COL11A1: variants seen among roughly 807,000 people sequenced by gnomAD.
COL11A1 encodes the protein collagen alpha-1(XI) chain.
In COL11A1, 74 loss-of-function variants were observed where a neutral mutation model predicts 265.2. The ratio of observed to expected loss-of-function variants is 0.28; its 90% CI spans 0.23 to 0.34. The LOEUF is 0.34. Among genes scored for constraint, COL11A1 ranks in the 10% least tolerant of loss-of-function variants. The pLI is 1.00. For synonymous variants in COL11A1, 816 were observed against 727.6 expected (o/e 1.12, Z -1.96); for missense variants, 2,165 against 2,263.6 (o/e 0.96, Z 0.88).
chr1:103,079,262 T>C (rs965907041), intron 2 of COL11A1, among the ~76,000 whole-genome samples: 2 of 150,642 alleles, frequency 1.3e-5, no homozygotes, highest in African/African-American at 4.9e-5. Context: ...ATGCCCACTT[T>C]AAAGAGGCAT....
At chr1:102,984,990 C>T (rs1663396852) in intron 30 of COL11A1, among the ~76,000 whole-genome samples, 1 of 151,782 alleles carries the variant, frequency 6.6e-6, no homozygotes, top group East Asian at 1.9e-4. Context: ...ATTTACTTCC[C>T]TATGATTTCT....
chr1:102,897,082 T>G (rs1676495), intron 57 of COL11A1, among the ~76,000 whole-genome samples: 13,336 of 152,054 alleles, frequency 0.088, 701 homozygotes, highest in Middle Eastern at 0.16. Context: ...ATAAGTGATC[T>G]TTAAATTCTT....
intron 1 of COL11A1, among the ~76,000 whole-genome samples, chr1:103,102,957 G>A (rs1674401734): frequency 6.6e-6 from 1 of 151,860 alleles, no homozygotes; most frequent in Non-Finnish European, 1.5e-5. Context: ...TTTCACATGT[G>A]GTAATTAAAT....
At chr1:102,903,629 C>T (rs527769809) in intron 54 of COL11A1, among the ~76,000 whole-genome samples, 1 of 152,264 alleles carries the variant, frequency 6.6e-6, no homozygotes, top group South Asian at 2.1e-4. Context: ...CAGATATTAC[C>T]TTACTGCATA....
At chr1:102,923,712 C>T (rs113373491) in intron 46 of COL11A1, among the ~76,000 whole-genome samples, 9,043 of 152,044 alleles carry the variant, frequency 0.059, 333 homozygotes, top group Non-Finnish European at 0.085. Flanking sequence ...ATATATAGAA[C>T]TTCCCTGGTA....
chr1:102,931,267 C>T (rs891482358), intron 46 of COL11A1, among the ~76,000 whole-genome samples: 431 of 151,524 alleles, frequency 2.8e-3, no homozygotes, highest in Middle Eastern at 6.8e-3. Context: ...GCTTTGAATG[C>T]GTCCCAGAGA....
intron 46 of COL11A1, among the ~76,000 whole-genome samples, chr1:102,930,744 C>T (rs747715769): frequency 0.044 from 6,722 of 151,904 alleles, 187 homozygotes; most frequent in African/African-American, 0.073. Flanking sequence ...GGTTGGTAAG[C>T]TATTGATTAT....
At chr1:102,891,824 G>A (rs910735017) in intron 57 of COL11A1, among the ~76,000 whole-genome samples, 3 of 151,866 alleles carry the variant, frequency 2.0e-5, no homozygotes, top group Non-Finnish European at 4.4e-5. Context: ...TTGAGGCTTC[G>A]GTGAGCTAAG....
Position 102,878,475 on chromosome 1 carries a change from C to CATATATATATATATATATATATAT in COL11A1, c.5275-334_5275-311dup, listed in dbSNP as rs57574729. Among the ~76,000 whole-genome samples the CATATATATATATATATATATATAT allele has an allele frequency of 3.1e-3, 153 of 49,808 alleles. 6 individuals carry two copies. The highest frequency in any genetic ancestry group is 0.011 in the Middle Eastern group (1 of 92). 32.7% of individuals were successfully genotyped at this position (49,808 alleles called of 152,430 possible). A position where few individuals can be genotyped will look rare whatever the true frequency, so the allele number is the denominator to read the frequency against. ...AAAATTGATGTTGGTATTGAATCCT[C>CATATATATATATATATATATATAT]ATATATATATATATATATATATATA... On this transcript the variant is annotated intron_variant, in intron 66 of 66. Transcript: ENST00000370096.
intron 42 of COL11A1, among the ~76,000 whole-genome samples, chr1:102,941,579 C>T (rs1259956182): frequency 2.6e-5 from 4 of 152,184 alleles, no homozygotes; most frequent in Non-Finnish European, 4.4e-5. Flanking sequence ...AAATCTGATG[C>T]CATGTCCATT....
intron 4 of COL11A1, among the ~76,000 whole-genome samples, chr1:103,069,818 G>A (rs1025430364): frequency 7.9e-5 from 12 of 151,736 alleles, no homozygotes; most frequent in African/African-American, 2.7e-4. Flanking sequence ...GACATCATCA[G>A]TCAAGGGAGA....
At position 102,974,880 on chromosome 1, in the gene COL11A1, G is replaced by T. The variant is rs1662318144; in HGVS notation, c.2758C>A (p.Pro920Thr). 6.2e-7 allele frequency: 1 copy of T among 1,613,038 alleles called. No homozygotes were observed. The highest frequency in any genetic ancestry group is 2.2e-5 in the East Asian group (1 of 44,812). ...GPPGPPGERG[P>T]QGPQGPVGFP... ...CCAACTGGACCCTGAGGTCCTTGAG[G>T]ACCCTGGAAATAAAAAGCAGTGGGG... Residue 920 changes from proline (P) to threonine (T), a missense_variant, in exon 36 of 67, where the codon CCT becomes ACT. Coordinates refer to ENST00000370096, the MANE Select transcript of COL11A1 (RefSeq NM_001854.4).
intron 4 of COL11A1, among the ~76,000 whole-genome samples, chr1:103,070,841 T>G (rs1047042081): frequency 6.6e-6 from 1 of 151,882 alleles, no homozygotes; most frequent in Admixed American, 6.6e-5. Context: ...CTACTAAAAT[T>G]CAACTTTTAA....
At chr1:102,982,872 A>G (rs1663171568) in intron 31 of COL11A1, among the ~76,000 whole-genome samples, 1 of 152,066 alleles carries the variant, frequency 6.6e-6, no homozygotes, top group African/African-American at 2.4e-5. Flanking sequence ...ATGAATAGAC[A>G]CACGTTTAAG....
chr1:102,968,879 CAT>C (rs1400986032), intron 37 of COL11A1, among the ~76,000 whole-genome samples: 1 of 152,154 alleles, frequency 6.6e-6, no homozygotes, highest in Non-Finnish European at 1.5e-5. Flanking sequence ...CAGATTAAAT[CAT>C]AGACATAAAG....
chr1:102,983,349 C>T (rs1663222360), intron 31 of COL11A1, among the ~76,000 whole-genome samples: 1 of 151,906 alleles, frequency 6.6e-6, no homozygotes, highest in Admixed American at 6.6e-5. Context: ...TGAATGTTAC[C>T]TTACTTGGAA....
intron 53 of COL11A1, 36 bp from the exon 54 acceptor site, chr1:102,912,248 G>A (rs1265878943): frequency 6.4e-7 from 1 of 1,553,282 alleles, no homozygotes. Context: ...AACAAAATTG[G>A]ATATTATTTT....
chr1:102,903,640 G>A (rs1042139326), intron 54 of COL11A1, among the ~76,000 whole-genome samples: 1 of 152,160 alleles, frequency 6.6e-6, no homozygotes, highest in Non-Finnish European at 1.5e-5. Flanking sequence ...TTACTGCATA[G>A]AAATATGCTC....
In COL11A1 at chr1:103,066,962, A is replaced by T. The variant is rs145104244; in HGVS notation, c.651+7656T>A. Among the ~76,000 whole-genome samples, 450 of 152,064 alleles carry T rather than the reference A, an allele frequency of 3.0e-3. 3 individuals carry two copies. Among genetic ancestry groups the T allele is most frequent in the African/African-American group, 0.01 (429 of 41,550 alleles). Reference sequence around the variant, plus strand: ...AGATAGAGAGCTATTTCACAGTAAAAAGTGACAAGCAGAAAGATCTAACAA... The same window carrying T: ...AGATAGAGAGCTATTTCACAGTAAATAGTGACAAGCAGAAAGATCTAACAA... On this transcript the variant is annotated intron_variant, in intron 4 of 66. Coordinates refer to ENST00000370096, the MANE Select transcript of COL11A1 (RefSeq NM_001854.4).
Sources: gnomAD v4.1 joint callset for allele counts (sites outside exome capture counted in the v4.1 genomes callset) on GRCh38, gnomAD v4.1.1 for gene constraint, MANE v1.5 for transcripts, NCBI Gene and HGNC (gene_info 2026-07-23, HGNC 2026-07-21) for gene names.